Variants in KLF8 observed in about 807,000 individuals in gnomAD.
KLF8 encodes the protein KLF transcription factor 8.
KLF8 carries 10 observed loss-of-function variants against 18.2 expected under a neutral mutation model. The observed-to-expected ratio is 0.55, with a 90% CI of 0.34 to 0.93. The LOEUF (loss-of-function observed/expected upper bound fraction) is 0.93. KLF8 is among the 40% of genes least tolerant of loss of function. The pLI is 0.02. For missense variants in KLF8, 264 were observed against 277.9 expected (o/e 0.95, Z 0.36); for synonymous variants, 109 against 97.3 (o/e 1.12, Z -0.71).
chrX:56,063,591 G>A, the KLF8 span, among the ~76,000 whole-genome samples: 1 of 111,710 alleles, frequency 9.0e-6, no homozygotes, highest in Non-Finnish European at 1.9e-5. Flanking sequence ...TGTATGAGAT[G>A]TCCCTGCTGG....
the KLF8 span, chrX:55,962,415 C>T: frequency 3.8e-5 from 9 of 236,955 alleles, no homozygotes; most frequent in Admixed American, 4.6e-4. Flanking sequence ...GGCCACATCT[C>T]TGTGGCAGGG....
the KLF8 span, among the ~76,000 whole-genome samples, chrX:55,995,520 G>T: frequency 8.9e-6 from 1 of 112,243 alleles, no homozygotes; most frequent in Non-Finnish European, 1.9e-5. Context: ...GCCAGTAATT[G>T]TCTATTGTTT....
chrX:56,059,092 C>G, the KLF8 span, among the ~76,000 whole-genome samples: 6 of 112,178 alleles, frequency 5.3e-5, no homozygotes, highest in African/African-American at 1.9e-4. Flanking sequence ...TTGCATTTCT[C>G]TAATGACCAG....
chrX:55,935,525 G>A, the KLF8 span, among the ~76,000 whole-genome samples: 6 of 112,214 alleles, frequency 5.3e-5, no homozygotes, highest in Non-Finnish European at 1.1e-4. Context: ...TTTCTTTCAA[G>A]AATATTCATG....
chrX:55,940,809 A>G, the KLF8 span, among the ~76,000 whole-genome samples: 1 of 111,635 alleles, frequency 9.0e-6, no homozygotes, highest in Non-Finnish European at 1.9e-5. Flanking sequence ...TAGGAATCCA[A>G]CTTGCAAGGG....
the KLF8 span, among the ~76,000 whole-genome samples, chrX:56,185,550 G>T: frequency 1.8e-5 from 2 of 111,246 alleles, no homozygotes; most frequent in East Asian, 5.6e-4. Flanking sequence ...CTCGAGAAGA[G>T]CAACTCCAAG....
At chrX:56,168,497 AT>A in the KLF8 span, among the ~76,000 whole-genome samples, 1 of 112,363 alleles carries the variant, frequency 8.9e-6, no homozygotes, top group African/African-American at 3.2e-5. Context: ...ACATAAAAAA[AT>A]AGTCTTTTTT....
chrX:56,197,121 A>G, the KLF8 span, among the ~76,000 whole-genome samples: 1 of 111,788 alleles, frequency 8.9e-6, no homozygotes. Context: ...TTATAGCACT[A>G]AATACCCACA....
the KLF8 span, among the ~76,000 whole-genome samples, chrX:56,078,513 G>A: frequency 8.9e-6 from 1 of 111,793 alleles, no homozygotes; most frequent in Admixed American, 9.5e-5. Context: ...TGGTGGATAA[G>A]CTTTTTGATG....
At chrX:55,989,331 C>A in the KLF8 span, among the ~76,000 whole-genome samples, 3 of 112,057 alleles carry the variant, frequency 2.7e-5, no homozygotes, top group Non-Finnish European at 5.6e-5. Context: ...ATGATATTGG[C>A]TGTGGGTTTG....
chrX:56,048,829 T>A, the KLF8 span, among the ~76,000 whole-genome samples: 9 of 111,621 alleles, frequency 8.1e-5, no homozygotes, highest in South Asian at 2.3e-3. Context: ...CTTGATGGGG[T>A]TGGCATTGAA....
chrX:56,268,604 A>C lies in KLF8; in HGVS notation c.647-774A>C, dbSNP rs760706738. 6.5e-5 allele frequency: 29 copies of C among 444,642 alleles called. No homozygotes were observed. In the African/African-American group the frequency reaches 7.2e-4, roughly 11 times the overall value. 36.6% of individuals were successfully genotyped at this position (444,642 alleles called of 1,213,427 possible). ...ATCACATACATGCACAAACATGCACACCTCAAGATACATGCTTAAAACTTT... is the reference window on the plus strand; with the variant it reads ...ATCACATACATGCACAAACATGCACCCCTCAAGATACATGCTTAAAACTTT... On this transcript the variant is annotated intron_variant, in intron 3 of 5. Coordinates refer to ENST00000468660, the MANE Select transcript of KLF8 (RefSeq NM_007250.5).
At chrX:55,969,563 G>A in the KLF8 span, among the ~76,000 whole-genome samples, 2 of 110,994 alleles carry the variant, frequency 1.8e-5, no homozygotes, top group East Asian at 2.8e-4. Context: ...AGAGCAAACC[G>A]AACCCAAAAT....
At chrX:56,147,127 G>A in the KLF8 span, among the ~76,000 whole-genome samples, 2 of 112,138 alleles carry the variant, frequency 1.8e-5, no homozygotes, top group Non-Finnish European at 3.8e-5. Flanking sequence ...TCAGAATGTG[G>A]CATATTGCAC....
the KLF8 span, among the ~76,000 whole-genome samples, chrX:55,957,858 G>A: frequency 9.0e-6 from 1 of 111,064 alleles, no homozygotes; most frequent in African/African-American, 3.3e-5. Context: ...TTTGTTCCAG[G>A]CATTAAGTGT....
chrX:56,082,041 T>C, the KLF8 span, among the ~76,000 whole-genome samples: 1 of 111,700 alleles, frequency 9.0e-6, no homozygotes, highest in Admixed American at 9.5e-5. Context: ...TGATTCTCTT[T>C]AAATGTTTAC....
At chrX:55,994,787 T>C in the KLF8 span, among the ~76,000 whole-genome samples, 1,132 of 111,854 alleles carry the variant, frequency 0.01, 7 homozygotes, top group Middle Eastern at 0.023. Context: ...AGAGTGTAGT[T>C]GGTATGATTT....
chrX:56,015,572 T>C, the KLF8 span, among the ~76,000 whole-genome samples: 1 of 112,311 alleles, frequency 8.9e-6, no homozygotes, highest in Admixed American at 9.4e-5. Context: ...AATGACATAA[T>C]CTCTGCCTTG....
intron 5 of KLF8, among the ~76,000 whole-genome samples, chrX:56,273,755 A>G (rs1171434980): frequency 8.9e-6 from 1 of 111,738 alleles, no homozygotes; most frequent in Admixed American, 9.5e-5. Context: ...ACAAAGAGGA[A>G]GCCCTCCTTT....
Sources: allele counts gnomAD v4.1 joint callset (sites outside exome capture counted in the v4.1 genomes callset), GRCh38; gene constraint gnomAD v4.1.1; transcripts MANE v1.5; gene names NCBI Gene and HGNC (gene_info 2026-07-23, HGNC 2026-07-21).